Variants in TENM1 observed in about 807,000 individuals in gnomAD.
TENM1 encodes the protein teneurin-1.
TENM1 carries 35 observed loss-of-function variants against 174.8 expected under a neutral mutation model. The observed-to-expected ratio is 0.20, with a 90% CI of 0.15 to 0.27. The LOEUF (loss-of-function observed/expected upper bound fraction) is 0.27, where lower values mean the gene tolerates loss of function less well. Among genes scored for constraint, TENM1 ranks in the 10% least tolerant of loss-of-function variants. The pLI is 1.00. For missense variants in TENM1, 1,633 were observed against 2,130.1 expected (o/e 0.77, Z 4.59); for synonymous variants, 781 against 798.7 (o/e 0.98, Z 0.37).
chrX:124,595,700 T>C (rs899930241), intron 11 of TENM1, among the ~76,000 whole-genome samples: 4 of 111,723 alleles, frequency 3.6e-5, no homozygotes, highest in Non-Finnish European at 7.5e-5. Flanking sequence ...ATTTCAGATT[T>C]TCCTTAACAA....
intron 3 of TENM1, among the ~76,000 whole-genome samples, chrX:124,834,592 T>C (rs2056356514): frequency 8.9e-6 from 1 of 111,896 alleles, no homozygotes; most frequent in Non-Finnish European, 1.9e-5. Context: ...GCAACTTGGA[T>C]CTATGCTCCC....
chrX:124,787,126 C>A (rs755845432), intron 3 of TENM1, among the ~76,000 whole-genome samples: 13 of 111,340 alleles, frequency 1.2e-4, no homozygotes, highest in African/African-American at 4.2e-4. Flanking sequence ...AAGTATTATG[C>A]AACATTTCAT....
chrX:124,569,551 A>G (rs2049012763), intron 11 of TENM1, among the ~76,000 whole-genome samples: 1 of 112,336 alleles, frequency 8.9e-6, no homozygotes, highest in Non-Finnish European at 1.9e-5. Context: ...TTGAAATCAT[A>G]CATAGGATAT....
chrX:124,747,178 A>AATAT (rs1452757911), intron 3 of TENM1, among the ~76,000 whole-genome samples: 1 of 107,552 alleles, frequency 9.3e-6, no homozygotes, highest in Non-Finnish European at 1.9e-5. Context: ...TAAATAAATA[A>AATAT]ATAAAATTAA....
chrX:124,604,748 C>A (rs1460857178), intron 11 of TENM1, among the ~76,000 whole-genome samples: 2 of 110,552 alleles, frequency 1.8e-5, no homozygotes, highest in East Asian at 5.7e-4. Context: ...CCAAAGTAAT[C>A]CTGATACATA....
intron 23 of TENM1, among the ~76,000 whole-genome samples, chrX:124,435,363 G>A (rs2147789219): frequency 8.9e-6 from 1 of 112,170 alleles, no homozygotes; most frequent in South Asian, 3.7e-4. Context: ...TTACAGGCCA[G>A]AAGTATGACT....
chrX:124,481,325 G>T (rs1280053344), intron 22 of TENM1, among the ~76,000 whole-genome samples: 1 of 110,962 alleles, frequency 9.0e-6, no homozygotes, highest in East Asian at 2.9e-4. Context: ...AAGCAATGCA[G>T]GCTGAAGAGC....
At chrX:124,444,342 T>C (rs2060942750) in intron 23 of TENM1, among the ~76,000 whole-genome samples, 1 of 111,977 alleles carries the variant, frequency 8.9e-6, no homozygotes, top group African/African-American at 3.2e-5. Flanking sequence ...GATGAGGAGA[T>C]GGGAATGAGA....
At chrX:124,418,299 C>T (rs1394601848) in intron 25 of TENM1, among the ~76,000 whole-genome samples, 1 of 111,392 alleles carries the variant, frequency 9.0e-6, no homozygotes, top group Non-Finnish European at 1.9e-5. Context: ...AGGCTTACTC[C>T]TGCTGCAGGG....
chrX:124,561,828 A>C lies in TENM1; in HGVS notation c.2288-11T>G. 8.3e-7 allele frequency: 1 copy of C among 1,208,353 alleles called. No homozygotes were observed. The highest frequency in any genetic ancestry group is 1.1e-6 in the Non-Finnish European group (1 of 893,134). ...GCCCTGGGCAGCCATCTGAAAAGAC[A>C]TCAGAGAGTAACCATCACAGAGACA... On this transcript the variant is annotated splice_polypyrimidine_tract_variant and intron_variant, in intron 13 of 31. Coordinates refer to ENST00000422452, the Ensembl canonical transcript of TENM1.
At chrX:124,893,188 T>C (rs1240934850) in intron 3 of TENM1, among the ~76,000 whole-genome samples, 2 of 112,243 alleles carry the variant, frequency 1.8e-5, no homozygotes, top group East Asian at 2.8e-4. Flanking sequence ...ACCCAAATTA[T>C]ATACTCCTTA....
the TENM1 span, among the ~76,000 whole-genome samples, chrX:125,012,781 C>T: frequency 5.4e-5 from 6 of 111,548 alleles, no homozygotes; most frequent in Admixed American, 5.7e-4. Flanking sequence ...AACATGAAAA[C>T]GCTGATATAG....
At chrX:124,888,092 G>A (rs985576312) in intron 3 of TENM1, among the ~76,000 whole-genome samples, 20 of 111,638 alleles carry the variant, frequency 1.8e-4, no homozygotes, top group African/African-American at 6.5e-4. Context: ...CCAGGCATTA[G>A]GCTAGCCATT....
intron 3 of TENM1, among the ~76,000 whole-genome samples, chrX:124,760,175 G>C (rs1390934794): frequency 9.0e-6 from 1 of 111,726 alleles, no homozygotes; most frequent in African/African-American, 3.3e-5. Context: ...TGGAGGGCCT[G>C]TTAGCATCTC....
chrX:124,841,457 A>G (rs1419057250), intron 3 of TENM1, among the ~76,000 whole-genome samples: 2 of 110,968 alleles, frequency 1.8e-5, no homozygotes, highest in Non-Finnish European at 3.8e-5. Context: ...GTTATTAGGA[A>G]AAAGTGGACA....
the TENM1 span, among the ~76,000 whole-genome samples, chrX:125,058,332 T>C: frequency 8.2e-4 from 92 of 112,191 alleles, no homozygotes; most frequent in African/African-American, 2.8e-3. Context: ...CCAGTGTTAA[T>C]GCATCAACAA....
chrX:125,070,816 T>A, the TENM1 span, among the ~76,000 whole-genome samples: 1 of 111,399 alleles, frequency 9.0e-6, no homozygotes. Context: ...GATGAAATGG[T>A]TGCTTTTGAA....
chrX:124,382,055 A>C (rs1328196880), intron 31 of TENM1, among the ~76,000 whole-genome samples: 1 of 111,190 alleles, frequency 9.0e-6, no homozygotes, highest in Admixed American at 9.6e-5. Flanking sequence ...TATCAAGCCC[A>C]TTTTGTTTTC....
intron 3 of TENM1, among the ~76,000 whole-genome samples, chrX:124,795,669 C>G (rs1485764085): frequency 1.8e-5 from 2 of 110,507 alleles, no homozygotes; most frequent in African/African-American, 6.6e-5. Flanking sequence ...AAAAACCACC[C>G]TAAGAGATGA....
Sources: gnomAD v4.1 joint callset for allele counts (sites outside exome capture counted in the v4.1 genomes callset) on GRCh38, gnomAD v4.1.1 for gene constraint, MANE v1.5 for transcripts, NCBI Gene and HGNC (gene_info 2026-07-23, HGNC 2026-07-21) for gene names.